The following MDH2 variants were observed in gnomAD, a reference collection of about 807,000 sequenced individuals.
MDH2 encodes malate dehydrogenase, mitochondrial.
In MDH2, 25 loss-of-function variants were observed where a neutral mutation model predicts 33.6. The ratio of observed to expected loss-of-function variants is 0.74; its 90% confidence interval spans 0.54 to 1.04. The LOEUF (loss-of-function observed/expected upper bound fraction) is 1.04. Among genes scored for constraint, MDH2 ranks in the 50% least tolerant of loss-of-function variants. The probability of loss-of-function intolerance (pLI) is 0.00; values close to 1 mark genes in which losing one functional copy is unlikely to be tolerated. For missense variants in MDH2, 432 were observed against 445.0 expected (o/e 0.97, Z 0.26); for synonymous variants, 193 against 188.7 (o/e 1.02, Z -0.19).
chr7:76,053,296 G>A (rs771740012), intron 1 of MDH2, among the ~76,000 whole-genome samples: 4 of 152,112 alleles, frequency 2.6e-5, no homozygotes, highest in South Asian at 2.1e-4. Flanking sequence ...CCCATGGAAC[G>A]CCTAACAGAA....
intron 4 of MDH2, among the ~76,000 whole-genome samples, chr7:76,059,190 C>CG (rs1208212880): frequency 1.3e-5 from 2 of 152,212 alleles, no homozygotes; most frequent in Admixed American, 6.5e-5. Context: ...GTGATCCTCC[C>CG]GCCTCACTCT....
In MDH2 at chr7:76,054,835, T is replaced by A; in HGVS notation, c.72T>A (p.Asn24Lys). 1 of 1,614,052 alleles carries A rather than the reference T, an allele frequency of 6.2e-7. No individual in the cohort carries two copies. Among genetic ancestry groups the A allele is most frequent in the Non-Finnish European group, 8.5e-7 (1 of 1,179,962 alleles). The change falls in exon 2 of 9, where the codon AAT (asparagine) becomes AAA (lysine). Residue 24 changes from asparagine (N) to lysine (K), a missense_variant. Physicochemically the swap from Asn to Lys is moderately conservative, Grantham distance 94. Transcript: ENST00000315758. Reference sequence around the variant, plus strand: ...TTCTCTGTGCCTCTTTTTAGAACAATGCTAAAGTAGCTGTGCTAGGGGCCT... The same window carrying A: ...TTCTCTGTGCCTCTTTTTAGAACAAAGCTAAAGTAGCTGTGCTAGGGGCCT... Reference protein sequence around the residue: ...RRSFSTSAQNNAKVAVLGASG... With the variant: ...RRSFSTSAQNKAKVAVLGASG...
intron 1 of MDH2, among the ~76,000 whole-genome samples, chr7:76,051,154 G>C (rs572093506): frequency 6.6e-6 from 1 of 152,128 alleles, no homozygotes; most frequent in Admixed American, 6.5e-5. Context: ...CAAGGTACTG[G>C]GATTATAGAC....
chr7:76,060,923 C>T (rs989186968), intron 5 of MDH2, among the ~76,000 whole-genome samples: 43 of 151,796 alleles, frequency 2.8e-4, no homozygotes, highest in African/African-American at 1.0e-3. Flanking sequence ...GAGGAAAGTG[C>T]CAGAAGTCCT....
chr7:76,059,505 G>T (rs1797881625), intron 4 of MDH2, among the ~76,000 whole-genome samples: 1 of 152,230 alleles, frequency 6.6e-6, no homozygotes, highest in African/African-American at 2.4e-5. Context: ...AACGTTGAGT[G>T]CTGCGTCCTC....
chr7:76,062,205 T>A (rs1554587117), intron 5 of MDH2, among the ~76,000 whole-genome samples: 1 of 152,228 alleles, frequency 6.6e-6, no homozygotes, highest in Non-Finnish European at 1.5e-5. Context: ...ACCCACCATA[T>A]TCCCTTTCAA....
rs557551018 is a variant in MDH2 at position 76,049,863 on chromosome 7, C to T, written c.66+1637C>T. Among the ~76,000 whole-genome samples the T allele has an allele frequency of 1.1e-4, 16 of 152,216 alleles. 1 individual carries two copies. In the South Asian group the frequency reaches 2.5e-3, roughly 24 times the overall value. On this transcript the variant is annotated intron_variant, in intron 1 of 8. Coordinates refer to ENST00000315758, the MANE Select transcript of MDH2 (RefSeq NM_005918.4). ...ATTTACTTTTTTTGATGCAGTGCCT[C>T]GCCCTGTCGACAGGCTGGAGTGCAG...
At position 76,048,978 on chromosome 7, in the gene MDH2, C is replaced by T. The variant is rs963222226; in HGVS notation, c.66+752C>T. The T allele has an allele frequency of 6.6e-5, 40 of 608,958 alleles. No homozygotes were observed. The African/African-American group carries it at 3.8e-3, about 58-fold the overall frequency. The allele number at this position is 608,958 out of a possible 1,614,324, so 37.7% of individuals were successfully genotyped here. The stretch of plus-strand genomic sequence containing the variant: ...CTGGGTTCATTGAAGAAGCTTAAGA[C>T]TGCGGGGGGGGGGGGGGGGGTCCGC... On this transcript the variant is annotated intron_variant, in intron 1 of 8. Coordinates refer to ENST00000315758, the MANE Select transcript of MDH2 (RefSeq NM_005918.4).
At chr7:76,048,906 C>T in intron 1 of MDH2, 1 of 1,053,586 alleles carries the variant, frequency 9.5e-7, no homozygotes, top group Non-Finnish European at 1.1e-6. Context: ...GGTTCTTAAA[C>T]TCTGCAGTGT....
At chr7:76,062,361 C>T (rs1313242580) in intron 5 of MDH2, among the ~76,000 whole-genome samples, 1 of 152,220 alleles carries the variant, frequency 6.6e-6, no homozygotes, top group Non-Finnish European at 1.5e-5. Flanking sequence ...GGGCTGTGTC[C>T]CTTCAGCCCC....
chr7:76,065,967 G>A (rs1465573728), intron 8 of MDH2, among the ~76,000 whole-genome samples: 4 of 152,162 alleles, frequency 2.6e-5, no homozygotes, highest in African/African-American at 7.2e-5. Context: ...CATTGTCCTC[G>A]TGTTCACGAA....
intron 5 of MDH2, 119 bp downstream of exon 5, chr7:76,060,617 T>C (rs1797921201): frequency 1.4e-6 from 2 of 1,427,052 alleles, no homozygotes; most frequent in Non-Finnish European, 1.9e-6. Flanking sequence ...TTTGGGGTTT[T>C]AAATGTTTTT....
chr7:76,055,057 G>T, intron 2 of MDH2, 59 bp downstream of exon 2: 1 of 1,529,398 alleles, frequency 6.5e-7, no homozygotes. Context: ...CAGGATTCGA[G>T]TTTTGAGTAA....
Position 76,065,450 on chromosome 7 carries a change from A to G in MDH2, c.885+497A>G, listed in dbSNP as rs537589597. On this transcript the variant is annotated intron_variant, in intron 8 of 8. Coordinates refer to ENST00000315758, the MANE Select transcript of MDH2 (RefSeq NM_005918.4). ...TCACCTGTGGGCAGAAATGAGGCAG[A>G]TGTGTGGTTGCCTTCATCACGTGGC... Among the ~76,000 whole-genome samples the G allele has an allele frequency of 4.6e-5, 7 of 152,294 alleles. No homozygotes were observed. In the East Asian group the frequency reaches 1.4e-3, roughly 29 times the overall value.
chr7:76,065,689 A>G (rs1251629892), intron 8 of MDH2, among the ~76,000 whole-genome samples: 1 of 152,176 alleles, frequency 6.6e-6, no homozygotes, highest in Admixed American at 6.5e-5. Context: ...GGGAAGCAGT[A>G]GGAGGGAATT....
intron 4 of MDH2, 129 bp from the exon 5 acceptor site, chr7:76,060,244 C>A: frequency 8.3e-7 from 1 of 1,208,646 alleles, no homozygotes; most frequent in Non-Finnish European, 1.1e-6. Flanking sequence ...TCAGACAGGG[C>A]AGTTTAATGT....
At chr7:76,049,151 G>C in intron 1 of MDH2, 1 of 965,178 alleles carries the variant, frequency 1.0e-6, no homozygotes, top group Non-Finnish European at 1.2e-6. Flanking sequence ...TGTACATCCA[G>C]TTCATTTGAA....
chr7:76,066,303 G>T lies in MDH2; in HGVS notation c.910G>T (p.Gly304Cys). Residue 304 changes from glycine (G) to cysteine (C), a missense_variant, in exon 9 of 9, where the codon GGC (glycine) becomes TGC (cysteine). Transcript: ENST00000315758. ...GAAAAAGGGCATCGAGAAGAACCTG[G>T]GCATCGGCAAAGTCTCCTCTTTTGA... is the stretch of plus-strand genomic sequence containing the variant. ...LGKKGIEKNL[G>C]IGKVSSFEEK... 6.2e-7 allele frequency: 1 copy of T among 1,609,374 alleles called. No homozygotes were observed. Among genetic ancestry groups the T allele is most frequent in the Non-Finnish European group, 8.5e-7 (1 of 1,178,050 alleles).
intron 7 of MDH2, 44 bp downstream of exon 7, chr7:76,064,482 T>C (rs782627500): frequency 1.3e-6 from 2 of 1,508,644 alleles, no homozygotes; most frequent in Non-Finnish European, 1.8e-6. Context: ...AGTGAGGCCC[T>C]GCGAGAGCTC....
Sources: gnomAD v4.1 joint callset for allele counts (sites outside exome capture counted in the v4.1 genomes callset) on GRCh38, gnomAD v4.1.1 for gene constraint, MANE v1.5 for transcripts, NCBI Gene and HGNC (gene_info 2026-07-23, HGNC 2026-07-21) for gene names.